Variants in NTM observed in about 807,000 individuals in gnomAD.
NTM encodes IgLON family member 2.
NTM carries 13 observed loss-of-function variants against 42.1 expected under a neutral mutation model. The observed-to-expected ratio is 0.31, with a 90% CI of 0.20 to 0.49. NTM has a LOEUF of 0.49. Ranked by LOEUF, NTM falls within the 20% of genes least tolerant of loss-of-function variation. The probability of loss-of-function intolerance (pLI) is 0.99; values close to 1 mark genes in which losing one functional copy is unlikely to be tolerated. For missense variants in NTM, 373 were observed against 452.8 expected, an observed-to-expected ratio of 0.82 and a Z score of 1.60; for synonymous variants, 187 against 179.2, an observed-to-expected ratio of 1.04 and a Z score of -0.35.
intron 2 of NTM, among the ~76,000 whole-genome samples, chr11:132,044,784 A>C (rs2077748049): frequency 6.6e-6 from 1 of 152,164 alleles, no homozygotes; most frequent in South Asian, 2.1e-4. Flanking sequence ...ATCTAGACGA[A>C]ATGGATAAAT....
intron 1 of NTM, among the ~76,000 whole-genome samples, chr11:131,487,849 T>C (rs1406344859): frequency 6.6e-6 from 1 of 152,188 alleles, no homozygotes; most frequent in Non-Finnish European, 1.5e-5. Context: ...CAGGTGCAGC[T>C]CTGGAGAAGG....
At chr11:131,477,198 C>G (rs764055761) in intron 1 of NTM, among the ~76,000 whole-genome samples, 24 of 152,206 alleles carry the variant, frequency 1.6e-4, no homozygotes, top group Middle Eastern at 3.4e-3. Context: ...AGTGTGATCA[C>G]AAGCAGCAAT....
intron 1 of NTM, among the ~76,000 whole-genome samples, chr11:131,601,046 G>C (rs2060441446): frequency 6.6e-6 from 1 of 152,194 alleles, no homozygotes; most frequent in Non-Finnish European, 1.5e-5. Context: ...CAGGTTTGGA[G>C]TTTGGGATGG....
intron 1 of NTM, among the ~76,000 whole-genome samples, chr11:131,575,397 T>C (rs2057832923): frequency 6.6e-6 from 1 of 152,216 alleles, no homozygotes; most frequent in African/African-American, 2.4e-5. Flanking sequence ...GAAATGTTTC[T>C]GGAGTATAAG....
Position 131,772,684 on chromosome 11 carries a change from A to T in NTM, c.83-138880A>T, listed in dbSNP as rs375282185. Among the ~76,000 whole-genome samples the T allele has an allele frequency of 5.3e-4, 81 of 152,346 alleles. No individual in the cohort carries two copies. The South Asian group carries it at 0.016, about 30-fold the overall frequency. ...TTGACTTTAGCCTTGTGAGATTCTGAGGAGACCCCCCAGCCTGAACATAAG... is the reference window on the plus strand; with the variant it reads ...TTGACTTTAGCCTTGTGAGATTCTGTGGAGACCCCCCAGCCTGAACATAAG... On this transcript the variant is annotated intron_variant, in intron 1 of 8. Transcript: ENST00000683400.
intron 1 of NTM, among the ~76,000 whole-genome samples, chr11:131,726,919 G>A (rs998896005): frequency 2.0e-5 from 3 of 151,140 alleles, no homozygotes; most frequent in African/African-American, 7.4e-5. Context: ...CAACTTCTGG[G>A]CTCAAGCACT....
chr11:132,204,010 T>C (rs1235895848), intron 3 of NTM, among the ~76,000 whole-genome samples: 1 of 152,196 alleles, frequency 6.6e-6, no homozygotes, highest in Non-Finnish European at 1.5e-5. Context: ...ATCTGTAAAG[T>C]GTGGGAACTA....
chr11:132,302,924 T>A (rs2094920519), intron 4 of NTM, among the ~76,000 whole-genome samples: 1 of 152,222 alleles, frequency 6.6e-6, no homozygotes, highest in Non-Finnish European at 1.5e-5. Flanking sequence ...AGGAAGATTA[T>A]GCAAGCACCT....
chr11:131,720,848 T>C (rs2078248948), intron 1 of NTM, among the ~76,000 whole-genome samples: 1 of 152,158 alleles, frequency 6.6e-6, no homozygotes, highest in South Asian at 2.1e-4. Context: ...AAGTGTTTCA[T>C]TGATCAAATA....
intron 4 of NTM, among the ~76,000 whole-genome samples, chr11:132,225,962 G>A (rs1314087709): frequency 2.6e-5 from 4 of 152,058 alleles, no homozygotes; most frequent in Non-Finnish European, 5.9e-5. Context: ...AACATGTGGC[G>A]TTTGGTTTTC....
intron 1 of NTM, among the ~76,000 whole-genome samples, chr11:131,542,533 C>T (rs1038444908): frequency 1.3e-5 from 2 of 152,190 alleles, no homozygotes; most frequent in African/African-American, 4.8e-5. Flanking sequence ...CTATGAACTT[C>T]TGTGAAACCT....
chr11:131,992,333 A>T (rs1243803565), intron 2 of NTM, among the ~76,000 whole-genome samples: 2 of 152,140 alleles, frequency 1.3e-5, no homozygotes, highest in South Asian at 4.2e-4. Flanking sequence ...GTACTGATTG[A>T]CTATGTTACT....
chr11:132,185,764 G>A (rs930038818), intron 3 of NTM, among the ~76,000 whole-genome samples: 1 of 152,100 alleles, frequency 6.6e-6, no homozygotes, highest in African/African-American at 2.4e-5. Context: ...CAAGAGCATA[G>A]CTTTCATGAA....
chr11:131,822,822 G>T (rs1230262870), intron 1 of NTM, among the ~76,000 whole-genome samples: 1 of 142,882 alleles, frequency 7.0e-6, no homozygotes, highest in Non-Finnish European at 1.6e-5. Context: ...CAACGTTCAA[G>T]GACTCATTTG....
intron 1 of NTM, among the ~76,000 whole-genome samples, chr11:131,561,451 G>T (rs1476939969): frequency 1.3e-5 from 2 of 152,102 alleles, no homozygotes; most frequent in South Asian, 4.1e-4. Context: ...GGAAACAAAA[G>T]TTCCCCCATC....
At chr11:131,938,986 CAAGAA>C (rs1415956288) in intron 2 of NTM, among the ~76,000 whole-genome samples, 2 of 152,010 alleles carry the variant, frequency 1.3e-5, no homozygotes, top group Non-Finnish European at 2.9e-5. Context: ...TGTTTAGCAT[CAAGAA>C]GAGTTTGCAG....
Position 131,443,135 on chromosome 11 carries a change from C to T in NTM, c.82+72247C>T, listed in dbSNP as rs565338312. Among the ~76,000 whole-genome samples, 31 of 152,190 alleles carry T rather than the reference C, an allele frequency of 2.0e-4. 1 individual carries two copies. The highest frequency in any genetic ancestry group is 7.2e-4 in the African/African-American group (30 of 41,516). ...ACTTGAGGGCATCTAATACACAGTA[C>T]GTGTGGTGAGCTGAACAGGGTAAGC... is the stretch of plus-strand genomic sequence containing the variant. On this transcript the variant is annotated intron_variant, in intron 1 of 8. Transcript: ENST00000683400.
chr11:131,923,298 G>A (rs2057486014), intron 2 of NTM, among the ~76,000 whole-genome samples: 1 of 152,218 alleles, frequency 6.6e-6, no homozygotes, highest in African/African-American at 2.4e-5. Context: ...TTACATTACT[G>A]CCTGGGACAT....
At chr11:131,838,807 A>G (rs902470196) in intron 1 of NTM, among the ~76,000 whole-genome samples, 2 of 152,206 alleles carry the variant, frequency 1.3e-5, no homozygotes, top group Non-Finnish European at 2.9e-5. Flanking sequence ...CATTCATTCA[A>G]AAAATATCCA....
Sources: allele counts gnomAD v4.1 joint callset (sites outside exome capture counted in the v4.1 genomes callset), GRCh38; gene constraint gnomAD v4.1.1; transcripts MANE v1.5; gene names NCBI Gene and HGNC (gene_info 2026-07-23, HGNC 2026-07-21).